Variants in PLCD4 observed in about 807,000 individuals in gnomAD.
PLCD4 encodes 1-phosphatidylinositol 4,5-bisphosphate phosphodiesterase delta-4.
Under a neutral mutation model 90.2 loss-of-function variants are expected in PLCD4, and 63 were observed. That is an observed-to-expected ratio of 0.70 (90% CI 0.57 to 0.86). The LOEUF (loss-of-function observed/expected upper bound fraction) is 0.86, where lower values mean the gene tolerates loss of function less well. PLCD4 is among the 40% of genes least tolerant of loss of function. The pLI, the probability that PLCD4 is intolerant of heterozygous loss-of-function variation, is 0.00. For synonymous variants in PLCD4, 294 were observed against 356.5 expected (o/e 0.82, Z 1.97); for missense variants, 830 against 956.3 (o/e 0.87, Z 1.74).
Position 218,621,484 on chromosome 2 carries a change from G to A in PLCD4, c.425G>A (p.Trp142Ter). 1 of 1,613,930 alleles carries A rather than the reference G, an allele frequency of 6.2e-7. No homozygotes were observed. The highest frequency in any genetic ancestry group is 8.5e-7 in the Non-Finnish European group (1 of 1,179,832). ...CTCATACCTGGATGGCTGAGCGATT[G>A]GTTTCAACGTGGAGACAAAAATCAG... ...QERLDQWLSDWFQRGDKNQDG... is the reference protein window; with the variant it reads ...QERLDQWLSD The change falls in exon 5 of 16, where the codon TGG becomes TAG. Residue 142 changes from tryptophan (W) to a stop codon, truncating the protein, a stop_gained. Coordinates refer to ENST00000450993, the MANE Select transcript of PLCD4 (RefSeq NM_032726.4). LOFTEE classifies it high-confidence loss of function.
intron 1 of PLCD4, 91 bp from the exon 2 acceptor site, chr2:218,615,614 CAG>C (rs1695540560): frequency 3.8e-6 from 4 of 1,051,754 alleles, no homozygotes; most frequent in Non-Finnish European, 5.5e-6. Flanking sequence ...TCTAAAGTGT[CAG>C]AGTCACTAAA....
chr2:218,629,957 C>T (rs988286501), intron 8 of PLCD4, among the ~76,000 whole-genome samples: 52 of 152,216 alleles, frequency 3.4e-4, no homozygotes, highest in Non-Finnish European at 7.1e-4. Flanking sequence ...GCGGGTGGAT[C>T]ACCTGAGGTT....
chr2:218,622,419 A>G (rs1287840531), intron 5 of PLCD4: 2 of 369,700 alleles, frequency 5.4e-6, no homozygotes, highest in Non-Finnish European at 9.5e-6. Context: ...GTTTGGATCT[A>G]TCTGTCTGTA....
At chr2:218,620,819 A>G (rs1332525965) in intron 4 of PLCD4, among the ~76,000 whole-genome samples, 1 of 141,408 alleles carries the variant, frequency 7.1e-6, no homozygotes, top group Non-Finnish European at 1.5e-5. Flanking sequence ...TCTTGGACCC[A>G]GGAGATGGCA....
chr2:218,623,723 C>T (rs961490015), intron 6 of PLCD4, among the ~76,000 whole-genome samples: 1 of 152,192 alleles, frequency 6.6e-6, no homozygotes, highest in Non-Finnish European at 1.5e-5. Context: ...GCTCTTATTG[C>T]CCAGACTGGA....
chr2:218,630,643 C>T lies in PLCD4; in HGVS notation c.1120-7C>T, dbSNP rs750120670. ...CTGAATCCATTGTTCCCTCCCCTCA[C>T]CACCAGACATCAGACTACCCAGTCA... On this transcript the variant is annotated splice_polypyrimidine_tract_variant and splice_region_variant and intron_variant, in intron 8 of 15. Coordinates refer to ENST00000450993, the MANE Select transcript of PLCD4 (RefSeq NM_032726.4). The T allele has an allele frequency of 3.1e-6, 5 of 1,613,876 alleles. No homozygotes were observed. In the African/African-American group the frequency reaches 6.7e-5, roughly 22 times the overall value.
chr2:218,616,128 G>T (rs1575015906), intron 3 of PLCD4, 66 bp downstream of exon 3: 4 of 1,569,708 alleles, frequency 2.5e-6, no homozygotes, highest in Non-Finnish European at 3.5e-6. Flanking sequence ...CCCGGCAGGG[G>T]AGGGACCAAA....
chr2:218,617,075 T>C (rs564743302), intron 3 of PLCD4, among the ~76,000 whole-genome samples: 180 of 142,476 alleles, frequency 1.3e-3, no homozygotes, highest in African/African-American at 4.4e-3. Context: ...CGCCATTCTC[T>C]TGCCTCAGCC....
rs1336790665 is a variant in PLCD4 at position 218,622,734 on chromosome 2, G to T, written c.628G>T (p.Glu210Ter). ...KALTKRAEVQ[E>*]LFESFSADGQ... The stretch of plus-strand genomic sequence containing the variant: ...ATTGACTAAACGTGCTGAGGTGCAG[G>T]AACTGTTTGAAAGTTTTTCAGCTGA... The change falls in exon 6 of 16, where the codon GAA becomes TAA. Residue 210 changes from glutamate to a stop codon, truncating the protein, a stop_gained. Transcript: ENST00000450993. LOFTEE classifies it high-confidence loss of function. 1 of 1,614,008 alleles carries T rather than the reference G, an allele frequency of 6.2e-7. No individual in the cohort carries two copies. Among genetic ancestry groups the T allele is most frequent in the South Asian group, 1.1e-5 (1 of 91,090 alleles).
chr2:218,622,648 C>A lies in PLCD4; in HGVS notation c.542C>A (p.Ala181Glu), dbSNP rs940052561. ...DQEYAFSLFQ[A>E]ADTSQSGTLE... ...CTCTCCCCTAAACCTCTCTTGCAGGCAGCAGACACGTCCCAGTCTGGAACC... is the reference window on the plus strand; with the variant it reads ...CTCTCCCCTAAACCTCTCTTGCAGGAAGCAGACACGTCCCAGTCTGGAACC... Residue 181 changes from alanine to glutamate, a missense_variant and splice_region_variant, in exon 6 of 16, where the codon GCA becomes GAA. Transcript: ENST00000450993. 2 of 1,611,728 alleles carry A rather than the reference C, an allele frequency of 1.2e-6. No homozygotes were observed. The highest frequency in any genetic ancestry group is 2.7e-5 in the African/African-American group (2 of 75,022).
At chr2:218,636,135 C>A in intron 14 of PLCD4, 108 bp from the exon 15 acceptor site, 4 of 1,403,086 alleles carry the variant, frequency 2.9e-6, no homozygotes, top group South Asian at 1.3e-5. Flanking sequence ...TTTTTCCTTA[C>A]CTGTAAAATG....
rs1270955529 is a variant in PLCD4, at chr2:218,622,627, C to G, written c.541-20C>G. The G allele has an allele frequency of 1.3e-6, 2 of 1,586,410 alleles. No individual in the cohort carries two copies. Among genetic ancestry groups the G allele is most frequent in the Non-Finnish European group, 1.7e-6 (2 of 1,157,684 alleles). Reference sequence around the variant, plus strand: ...TCCCATTAAAAGTTTCATTCACTCTCCCCTAAACCTCTCTTGCAGGCAGCA... The same window carrying G: ...TCCCATTAAAAGTTTCATTCACTCTGCCCTAAACCTCTCTTGCAGGCAGCA... On this transcript the variant is annotated intron_variant, in intron 5 of 15. Coordinates refer to ENST00000450993, the MANE Select transcript of PLCD4 (RefSeq NM_032726.4).
chr2:218,615,629 CAAAATT>C, intron 1 of PLCD4, 72 bp from the exon 2 acceptor site: 1 of 1,311,350 alleles, frequency 7.6e-7, no homozygotes, highest in Non-Finnish European at 1.0e-6. Flanking sequence ...TCACTAAACT[CAAAATT>C]AGAAGCAAAA....
In PLCD4 at chr2:218,634,196, A is replaced by G; in HGVS notation, c.1698A>G (p.Glu566=). 1 of 1,611,682 alleles carries G rather than the reference A, an allele frequency of 6.2e-7. No individual in the cohort carries two copies. The highest frequency in any genetic ancestry group is 1.7e-4 in the Middle Eastern group (1 of 6,060). Residue 566 remains glutamate, a synonymous_variant, in exon 12 of 16, where the codon GAA becomes GAG. Transcript: ENST00000450993. This position sits in a 1 kb window ranked among gnomAD's most constrained non-coding sequence, Gnocchi z 4.0. ...RTDSSNYNPQ[E]LWNAGCQMVA... is the part of the protein sequence containing the mutation. ...ACTCTTCCAACTACAACCCCCAGGA[A>G]CTCTGGAATGCAGGCTGCCAGATGG...
In PLCD4 at chr2:218,608,006, A is replaced by AGCTC. The variant is rs1356830300; in HGVS notation, c.-96_-93dup. 6.6e-6 allele frequency: 1 copy of AGCTC among 152,334 alleles called. No individual in the cohort carries two copies. Among genetic ancestry groups the AGCTC allele is most frequent in the African/African-American group, 2.4e-5 (1 of 41,442 alleles). The allele number at this position is 152,334 out of a possible 1,614,324, so 9.4% of individuals were successfully genotyped here. On this transcript the variant is annotated 5_prime_UTR_variant, in exon 1 of 16. Transcript: ENST00000450993. ...GCTTCCTGATCCCACAGCATCGCAGAGCTCGGGAGGCACAGCTCACAGACA... is the reference window on the plus strand; with the variant it reads ...GCTTCCTGATCCCACAGCATCGCAGAGCTCGCTCGGGAGGCACAGCTCACAGACA...
intron 10 of PLCD4, 102 bp from the exon 11 acceptor site, chr2:218,633,503 A>C (rs761421435): frequency 9.6e-6 from 13 of 1,349,288 alleles, no homozygotes; most frequent in East Asian, 2.3e-5. Flanking sequence ...GGGAGAATAC[A>C]GTGGGGAGGC....
In PLCD4 at chr2:218,632,241, G is replaced by T; in HGVS notation, c.1378G>T (p.Ala460Ser). Residue 460 changes from alanine (A) to serine (S), a missense_variant, in exon 10 of 16, where the codon GCG becomes TCG. Transcript: ENST00000450993. Reference sequence around the variant, plus strand: ...ACCTGAGTTGGAAGAGTCAGAATTGGCGCTGGAGTCCCAGTTTGAGACTGA... The same window carrying T: ...ACCTGAGTTGGAAGAGTCAGAATTGTCGCTGGAGTCCCAGTTTGAGACTGA... ...AEPELEESEL[A>S]LESQFETEPE... The T allele has an allele frequency of 6.2e-7, 1 of 1,611,578 alleles. No homozygotes were observed. The highest frequency in any genetic ancestry group is 1.1e-5 in the South Asian group (1 of 90,288).
Position 218,630,758 on chromosome 2 carries a change from A to G in PLCD4, c.1228A>G (p.Thr410Ala), listed in dbSNP as rs771720547. ...GATCCTGGGGGAGCAGCTGCTGAGCACCACCTTGGATGGGGTGCTGCCCAC... is the reference window on the plus strand; with the variant it reads ...GATCCTGGGGGAGCAGCTGCTGAGCGCCACCTTGGATGGGGTGCTGCCCAC... Reference protein sequence around the residue: ...TEILGEQLLSTTLDGVLPTQL... With the variant: ...TEILGEQLLSATLDGVLPTQL... Residue 410 changes from threonine to alanine, a missense_variant, in exon 9 of 16, where the codon ACC (threonine) becomes GCC (alanine). By Grantham distance (58) the Thr-to-Ala change is moderately conservative. Transcript: ENST00000450993. 5 of 1,613,902 alleles carry G rather than the reference A, an allele frequency of 3.1e-6. No homozygotes were observed. The South Asian group carries it at 4.4e-5, about 14-fold the overall frequency.
chr2:218,620,716 A>C (rs913479303), intron 4 of PLCD4, among the ~76,000 whole-genome samples: 1 of 150,222 alleles, frequency 6.7e-6, no homozygotes, highest in Non-Finnish European at 1.5e-5. Flanking sequence ...ACTCTGTCTA[A>C]AACAAACATA....
Sources: gnomAD v4.1 joint callset for allele counts (sites outside exome capture counted in the v4.1 genomes callset) on GRCh38, gnomAD v4.1.1 for gene constraint, Gnocchi (gnomAD v3.1) non-coding constraint, MANE v1.5 for transcripts, NCBI Gene and HGNC (gene_info 2026-07-23, HGNC 2026-07-21) for gene names.